The following BFSP1 variants were observed in gnomAD, a reference collection of about 807,000 sequenced individuals.
BFSP1 encodes filensin.
Under a neutral mutation model 43.9 loss-of-function variants are expected in BFSP1, and 38 were observed. The observed-to-expected ratio is 0.87, with a 90% CI of 0.67 to 1.14. The LOEUF is 1.14. BFSP1 is among the 50% of genes most tolerant of loss of function. BFSP1 has a pLI of 0.00. For missense variants in BFSP1, 850 were observed against 875.1 expected, an observed-to-expected ratio of 0.97 and a Z score of 0.36; for synonymous variants, 352 against 354.8, an observed-to-expected ratio of 0.99 and a Z score of 0.09.
chr20:17,530,821 G>C lies in BFSP1; in HGVS notation c.377+132C>G. On this transcript the variant is annotated intron_variant, in intron 1 of 7. Transcript: ENST00000377873. The stretch of plus-strand genomic sequence containing the variant: ...TAAGGAAATGTGCCACCTGCGTGCA[G>C]GGATGAGGTCATCGATCGACAGGGG... 2.9e-6 allele frequency: 3 copies of C among 1,043,274 alleles called. No individual in the cohort carries two copies. In the South Asian group the frequency reaches 9.4e-5, roughly 33 times the overall value. 64.6% of individuals were successfully genotyped at this position (1,043,274 alleles called of 1,614,324 possible).
At position 17,531,281 on chromosome 20, in the gene BFSP1, G is replaced by A; in HGVS notation, c.49C>T (p.His17Tyr). The A allele has an allele frequency of 6.8e-7, 1 of 1,467,814 alleles. No individual in the cohort carries two copies. The highest frequency in any genetic ancestry group is 2.3e-5 in the Admixed American group (1 of 43,172). 90.9% of individuals were successfully genotyped at this position (1,467,814 alleles called of 1,614,324 possible). Residue 17 changes from histidine (H) to tyrosine (Y), a missense_variant, in exon 1 of 8, where the codon CAC becomes TAC. Coordinates refer to ENST00000377873, the MANE Select transcript of BFSP1 (RefSeq NM_001195.5). ...VFQTRKEQYE[H>Y]ADEASRAAEP... ...GCGGCGCGCGAAGCCTCGTCGGCGT[G>A]CTCGTACTGCTCCTTGCGGGTCTGG... is the stretch of plus-strand genomic sequence containing the variant.
intron 1 of BFSP1, among the ~76,000 whole-genome samples, chr20:17,557,797 G>C (rs190834953): frequency 1.3e-3 from 205 of 152,232 alleles, no homozygotes; most frequent in Admixed American, 2.9e-3. Context: ...TGTGAGTCAC[G>C]CTGCTCTGTT....
At chr20:17,530,807 G>A (rs2034516540) in intron 1 of BFSP1, 146 bp downstream of exon 1, 2 of 875,398 alleles carry the variant, frequency 2.3e-6, no homozygotes, top group Non-Finnish European at 3.1e-6. Context: ...AAGGAAATGT[G>A]CCACCTGCGT....
At chr20:17,516,986 G>A in intron 2 of BFSP1, 1 of 760,846 alleles carries the variant, frequency 1.3e-6, no homozygotes. Context: ...TTGCTAGCAA[G>A]CAACTGGAGG....
chr20:17,512,226 T>C (rs1028887125), intron 3 of BFSP1, among the ~76,000 whole-genome samples, 158 bp from the exon 4 acceptor site: 1 of 152,154 alleles, frequency 6.6e-6, no homozygotes, highest in African/African-American at 2.4e-5. Flanking sequence ...ACTGATGCAT[T>C]TGCTGCCATG....
intron 1 of BFSP1, among the ~76,000 whole-genome samples, chr20:17,539,565 G>T (rs2034682838): frequency 6.6e-6 from 1 of 151,872 alleles, no homozygotes. Flanking sequence ...TGGGCAACAT[G>T]GCAAAACCCT....
chr20:17,562,818 T>C (rs2035079436), upstream of BFSP1, among the ~76,000 whole-genome samples: 1 of 152,224 alleles, frequency 6.6e-6, no homozygotes, highest in Non-Finnish European at 1.5e-5. Flanking sequence ...TTTAGCCTTT[T>C]CCTAAAATAG....
At chr20:17,499,636 C>T (rs893810450) in intron 5 of BFSP1, among the ~76,000 whole-genome samples, 6 of 152,018 alleles carry the variant, frequency 3.9e-5, no homozygotes, top group Admixed American at 1.3e-4. Context: ...GAAAATAAAA[C>T]GAAACCTAGG....
intron 1 of BFSP1, among the ~76,000 whole-genome samples, chr20:17,565,228 T>C (rs1055001614): frequency 1.3e-5 from 2 of 152,242 alleles, no homozygotes; most frequent in Non-Finnish European, 2.9e-5. Flanking sequence ...GTAGATGAGA[T>C]TGTCAACTAC....
chr20:17,556,693 G>A (rs899867352), intron 1 of BFSP1, among the ~76,000 whole-genome samples: 5 of 151,594 alleles, frequency 3.3e-5, no homozygotes, highest in Admixed American at 1.3e-4. Context: ...GGGAGTGAAG[G>A]TGACATTTTT....
intron 1 of BFSP1, among the ~76,000 whole-genome samples, chr20:17,544,245 C>T (rs2034765468): frequency 6.6e-6 from 1 of 152,186 alleles, no homozygotes; most frequent in African/African-American, 2.4e-5. Flanking sequence ...ACAGAGATAT[C>T]CCAGGCAAGG....
chr20:17,531,608 C>A (rs1195333789), upstream of BFSP1, among the ~76,000 whole-genome samples: 2 of 152,174 alleles, frequency 1.3e-5, no homozygotes, highest in African/African-American at 4.8e-5. Flanking sequence ...AGGCCTGTTG[C>A]TTTTGATTGA....
upstream of BFSP1, chr20:17,560,586 A>G (rs1224614362): frequency 6.6e-6 from 1 of 152,192 alleles, no homozygotes; most frequent in African/African-American, 2.4e-5. Context: ...AATCTAAATG[A>G]AAAAATGTTC....
rs1309143240 is a variant in BFSP1 at position 17,537,247 on chromosome 20, A to C, written c.3-12339T>G. ...CAGCCATGGAAAGTGACAGCCCAGG[A>C]GTAAAAGGGCAGGCAGACCCCTGGC... On this transcript the variant is annotated intron_variant, in intron 1 of 7. Transcript: ENST00000377868. Among the ~76,000 whole-genome samples, 5 of 152,192 alleles carry C rather than the reference A, an allele frequency of 3.3e-5. No individual in the cohort carries two copies. The East Asian group carries it at 9.6e-4, about 29-fold the overall frequency.
At chr20:17,531,570 C>T (rs890231658), upstream of BFSP1, among the ~76,000 whole-genome samples, 3 of 152,148 alleles carry the variant, frequency 2.0e-5, no homozygotes, top group Non-Finnish European at 4.4e-5. Context: ...TTACGCTGGG[C>T]AATGAGGTTT....
chr20:17,495,059 T>A, intron 7 of BFSP1, 30 bp from the exon 8 acceptor site: 1 of 1,560,154 alleles, frequency 6.4e-7, no homozygotes, highest in Middle Eastern at 1.7e-4. Flanking sequence ...GAAATTCAAG[T>A]ATAATTGTCA....
chr20:17,557,545 T>C (rs2035013527), intron 1 of BFSP1, among the ~76,000 whole-genome samples: 1 of 152,182 alleles, frequency 6.6e-6, no homozygotes, highest in Non-Finnish European at 1.5e-5. Flanking sequence ...CATGAGTGGT[T>C]GTAGGAGGGT....
chr20:17,511,308 GT>G (rs1266296144), intron 4 of BFSP1, among the ~76,000 whole-genome samples: 1 of 152,184 alleles, frequency 6.6e-6, no homozygotes, highest in Non-Finnish European at 1.5e-5. Context: ...TTTCCCACTA[GT>G]TTCAATGCCA....
Position 17,524,922 on chromosome 20 carries a change from A to G in BFSP1, c.378-14T>C. ...TCATTTTCATACCTGCAAATTGGAC[A>G]CATAAGTGAGAGTTGGGTAACTACC... On this transcript the variant is annotated splice_polypyrimidine_tract_variant and intron_variant, in intron 1 of 7. Transcript: ENST00000377873. The G allele has an allele frequency of 6.2e-7, 1 of 1,611,102 alleles. No homozygotes were observed.
Sources: gnomAD v4.1 joint callset for allele counts (sites outside exome capture counted in the v4.1 genomes callset) on GRCh38, gnomAD v4.1.1 for gene constraint, MANE v1.5 for transcripts, NCBI Gene and HGNC (gene_info 2026-07-23, HGNC 2026-07-21) for gene names.